Variants in TLK1 observed in about 807,000 individuals in gnomAD.
TLK1 encodes the protein serine/threonine-protein kinase tousled-like 1.
A neutral mutation model predicts 105.3 loss-of-function variants in TLK1; 24 were observed. The ratio of observed to expected loss-of-function variants is 0.23; its 90% CI spans 0.17 to 0.32. The LOEUF is 0.32. Ranked by LOEUF, TLK1 falls within the 10% of genes least tolerant of loss-of-function variation. TLK1 has a pLI of 1.00. For missense variants in TLK1, 558 were observed against 910.5 expected, an observed-to-expected ratio of 0.61 and a Z score of 4.98; for synonymous variants, 321 against 310.4, an observed-to-expected ratio of 1.03 and a Z score of -0.36.
intron 14 of TLK1, among the ~76,000 whole-genome samples, chr2:171,007,359 T>C (rs999362316): frequency 6.6e-6 from 1 of 152,120 alleles, no homozygotes; most frequent in Admixed American, 6.5e-5. Flanking sequence ...GTTTTTAATA[T>C]GGACTTATTC....
intron 1 of TLK1, among the ~76,000 whole-genome samples, chr2:171,193,131 T>C (rs536066088): frequency 9.2e-5 from 14 of 152,214 alleles, no homozygotes; most frequent in Non-Finnish European, 1.9e-4. Context: ...TACAGACTTA[T>C]ACAGTATTGG....
chr2:171,056,765 C>T (rs1575559541), intron 5 of TLK1, among the ~76,000 whole-genome samples, 199 bp from the exon 6 acceptor site: 2 of 151,022 alleles, frequency 1.3e-5, no homozygotes, highest in Admixed American at 6.6e-5. Flanking sequence ...AAGAACATGA[C>T]GAGACTGTTT....
intron 2 of TLK1, among the ~76,000 whole-genome samples, chr2:171,105,639 G>C (rs1689888198): frequency 1.3e-5 from 2 of 152,050 alleles, no homozygotes; most frequent in Admixed American, 1.3e-4. Flanking sequence ...TGAGCCCCGA[G>C]ACTGCGCCAG....
chr2:171,041,041 A>G (rs1686650355), intron 11 of TLK1, among the ~76,000 whole-genome samples: 1 of 152,218 alleles, frequency 6.6e-6, no homozygotes, highest in African/African-American at 2.4e-5. Flanking sequence ...GCTTAATTTG[A>G]AATATATTTT....
intron 11 of TLK1, among the ~76,000 whole-genome samples, chr2:171,033,959 A>C (rs1686189504): frequency 6.6e-6 from 1 of 151,736 alleles, no homozygotes; most frequent in Non-Finnish European, 1.5e-5. Flanking sequence ...TGAGCAAAAG[A>C]CTTGAATAGA....
At chr2:171,050,238 T>C (rs1016177985) in intron 8 of TLK1, 64 bp from the exon 9 acceptor site, 30 of 1,134,044 alleles carry the variant, frequency 2.6e-5, no homozygotes, top group Non-Finnish European at 3.6e-5. Context: ...TAGAAATAGT[T>C]TTAATGTTCT....
intron 1 of TLK1, among the ~76,000 whole-genome samples, chr2:171,182,560 G>A (rs564336085): frequency 1.7e-4 from 26 of 152,198 alleles, no homozygotes; most frequent in African/African-American, 6.0e-4. Flanking sequence ...TTTCAGGGTG[G>A]GAGACTAGAG....
chr2:171,111,605 A>G (rs1332657832), intron 2 of TLK1, among the ~76,000 whole-genome samples: 2 of 149,872 alleles, frequency 1.3e-5, no homozygotes, highest in Admixed American at 6.6e-5. Context: ...AAAAAAAGCC[A>G]CCATTCTAAA....
chr2:170,996,609 A>G, intron 20 of TLK1, 44 bp downstream of exon 20: 1 of 1,518,318 alleles, frequency 6.6e-7, no homozygotes, highest in Non-Finnish European at 9.1e-7. Flanking sequence ...ACAACTGATG[A>G]AAGAAAAGTT....
At chr2:171,074,626 C>CAAAAAAAAAAAAA (rs372844435) in intron 3 of TLK1, among the ~76,000 whole-genome samples, 2 of 89,936 alleles carry the variant, frequency 2.2e-5, no homozygotes, top group Non-Finnish European at 4.7e-5. Context: ...GACTCTGCCT[C>CAAAAAAAAAAAAA]AAAAAAAAAA....
chr2:171,033,898 A>T (rs1401425609), intron 11 of TLK1, among the ~76,000 whole-genome samples: 2 of 151,120 alleles, frequency 1.3e-5, no homozygotes, highest in African/African-American at 4.8e-5. Context: ...TTTTTAAAAA[A>T]AAAAAAAAAC....
intron 3 of TLK1, among the ~76,000 whole-genome samples, chr2:171,074,664 A>G (rs1449732347): frequency 6.6e-6 from 1 of 151,942 alleles, no homozygotes; most frequent in African/African-American, 2.4e-5. Flanking sequence ...GAAAGAAGAA[A>G]AAACCAATGA....
At chr2:171,052,012 A>C (rs1326516408) in intron 8 of TLK1, among the ~76,000 whole-genome samples, 1 of 152,126 alleles carries the variant, frequency 6.6e-6, no homozygotes, top group Admixed American at 6.6e-5. Context: ...GCTCATGCCT[A>C]TAGCCCCAGC....
At chr2:171,175,053 G>T (rs888986029) in intron 1 of TLK1, among the ~76,000 whole-genome samples, 1 of 152,048 alleles carries the variant, frequency 6.6e-6, no homozygotes, top group Non-Finnish European at 1.5e-5. Flanking sequence ...AACACGGCAA[G>T]GCCCCGTCTC....
intron 14 of TLK1, among the ~76,000 whole-genome samples, chr2:171,008,741 TG>T (rs1158082009): frequency 6.6e-6 from 1 of 152,222 alleles, no homozygotes; most frequent in East Asian, 1.9e-4. Flanking sequence ...GCTTAGAGAA[TG>T]ATGTCACTAG....
intron 1 of TLK1, among the ~76,000 whole-genome samples, chr2:171,125,576 G>A (rs1052856404): frequency 6.6e-6 from 1 of 152,162 alleles, no homozygotes; most frequent in Admixed American, 6.5e-5. Context: ...ACACCAAACA[G>A]TAGCTTGAAG....
At chr2:171,087,824 C>T (rs1387258711) in intron 2 of TLK1, among the ~76,000 whole-genome samples, 2 of 152,202 alleles carry the variant, frequency 1.3e-5, no homozygotes, top group South Asian at 2.1e-4. Context: ...GCTAGGAGAA[C>T]TCTGTACTAA....
In TLK1 at chr2:171,122,642, A is replaced by AT. The variant is rs757550848; in HGVS notation, c.140-4786dup. 7.0e-3 allele frequency among the ~76,000 whole-genome samples: 1,012 copies of AT among 144,296 alleles called. 9 individuals are homozygous for AT. Among genetic ancestry groups the AT allele is most frequent in the Middle Eastern group, 0.018 (5 of 278 alleles). The allele number at this position is 144,296 out of a possible 152,430, so 94.7% of individuals were successfully genotyped here. ...ATACTTACATAACAAGACAGAAACA[A>AT]TTTTTTTTTTTTTTTGGAGACACTC... On this transcript the variant is annotated intron_variant, in intron 1 of 20. Coordinates refer to ENST00000431350, the MANE Select transcript of TLK1 (RefSeq NM_012290.5).
intron 3 of TLK1, among the ~76,000 whole-genome samples, chr2:171,063,440 C>T (rs1033520570): frequency 5.3e-5 from 8 of 151,930 alleles, no homozygotes; most frequent in Non-Finnish European, 1.0e-4. Flanking sequence ...TATAAAAAAG[C>T]GAAGAAAACA....
Sources: gnomAD v4.1 joint callset for allele counts (sites outside exome capture counted in the v4.1 genomes callset) on GRCh38, gnomAD v4.1.1 for gene constraint, MANE v1.5 for transcripts, NCBI Gene and HGNC (gene_info 2026-07-23, HGNC 2026-07-21) for gene names.